The following LRP1B variants were observed in gnomAD, a reference collection of about 807,000 sequenced individuals.
LRP1B encodes the protein low-density lipoprotein receptor-related protein 1B.
LRP1B carries 217 observed loss-of-function variants against 556.6 expected under a neutral mutation model. The ratio of observed to expected loss-of-function variants is 0.39; its 90% CI spans 0.35 to 0.44. The LOEUF (loss-of-function observed/expected upper bound fraction) is 0.44, where lower values mean the gene tolerates loss of function less well. Among genes scored for constraint, LRP1B ranks in the 20% least tolerant of loss-of-function variants. The probability of loss-of-function intolerance (pLI) is 1.00; values close to 1 mark genes in which losing one functional copy is unlikely to be tolerated. For missense variants in LRP1B, 5,053 were observed against 5,620.8 expected, an observed-to-expected ratio of 0.90 and a Z score of 3.23; for synonymous variants, 2,047 against 1,865.8, an observed-to-expected ratio of 1.10 and a Z score of -2.50.
intron 20 of LRP1B, among the ~76,000 whole-genome samples, chr2:140,944,982 C>T (rs955309061): frequency 7.9e-5 from 12 of 152,234 alleles, no homozygotes; most frequent in African/African-American, 2.6e-4. Flanking sequence ...TCTGTCTTAA[C>T]TGATGATATG....
intron 11 of LRP1B, among the ~76,000 whole-genome samples, chr2:141,041,136 A>G (rs539408563): frequency 6.6e-6 from 1 of 152,110 alleles, no homozygotes; most frequent in African/African-American, 2.4e-5. Flanking sequence ...TTCTCTTCTG[A>G]TATTATCAGG....
chr2:140,749,850 T>C (rs1441906709), intron 35 of LRP1B, among the ~76,000 whole-genome samples: 1 of 152,208 alleles, frequency 6.6e-6, no homozygotes, highest in Non-Finnish European at 1.5e-5. Context: ...TGTACATAAT[T>C]TTATGTGCTA....
At chr2:141,302,330 C>T (rs1226802646) in intron 3 of LRP1B, among the ~76,000 whole-genome samples, 2 of 152,076 alleles carry the variant, frequency 1.3e-5, no homozygotes, top group African/African-American at 2.4e-5. Flanking sequence ...AAAGCCAGTA[C>T]ATTATGCTAA....
chr2:140,333,256 T>A (rs999254899), intron 79 of LRP1B, among the ~76,000 whole-genome samples: 1 of 152,110 alleles, frequency 6.6e-6, no homozygotes, highest in Non-Finnish European at 1.5e-5. Context: ...TCTCTGATCA[T>A]AACTAAAATA....
intron 1 of LRP1B, among the ~76,000 whole-genome samples, chr2:141,817,190 T>G (rs192932894): frequency 6.6e-6 from 1 of 152,320 alleles, no homozygotes; most frequent in Admixed American, 6.5e-5. Flanking sequence ...ATAGTCAGAT[T>G]AATCTTATTT....
chr2:140,397,537 A>C (rs1215190611), intron 66 of LRP1B, among the ~76,000 whole-genome samples: 1 of 152,218 alleles, frequency 6.6e-6, no homozygotes. Context: ...GCCCATAGTC[A>C]TACAACACAG....
At chr2:140,887,970 G>A (rs1045861557) in intron 23 of LRP1B, among the ~76,000 whole-genome samples, 4 of 152,116 alleles carry the variant, frequency 2.6e-5, no homozygotes, top group African/African-American at 9.7e-5. Flanking sequence ...TTAAATAGTT[G>A]TAATAGTTAA....
chr2:141,884,767 A>T (rs1210260691), intron 1 of LRP1B, among the ~76,000 whole-genome samples: 3 of 152,208 alleles, frequency 2.0e-5, no homozygotes, highest in Non-Finnish European at 4.4e-5. Context: ...CTCACAGAAG[A>T]GATTATTGCC....
chr2:141,661,416 G>T lies in LRP1B; in HGVS notation c.205+148863C>A, dbSNP rs147356931. On this transcript the variant is annotated intron_variant, in intron 2 of 90. Transcript: ENST00000389484. ...GGAGCATGCTCTAACCCAATGCAAA[G>T]AAGGTAAGAACCATGATAAAACATT... Among the ~76,000 whole-genome samples the T allele has an allele frequency of 1.4e-3, 211 of 152,270 alleles. 1 individual carries two copies. The highest frequency in any genetic ancestry group is 4.9e-3 in the African/African-American group (203 of 41,558).
chr2:141,454,818 A>G lies in LRP1B; in HGVS notation c.343+25578T>C, dbSNP rs1681568992. Among the ~76,000 whole-genome samples the G allele has an allele frequency of 3.9e-5, 6 of 152,302 alleles. No individual in the cohort carries two copies. The South Asian group carries it at 1.2e-3, about 32-fold the overall frequency. On this transcript the variant is annotated intron_variant, in intron 3 of 90. Transcript: ENST00000389484. Reference sequence around the variant, plus strand: ...GGAGAGGAATAGTGCTACTCTGAGAAATATACGAAGCTAGATCAATTTCAC... The same window carrying G: ...GGAGAGGAATAGTGCTACTCTGAGAGATATACGAAGCTAGATCAATTTCAC...
chr2:140,893,190 A>C (rs1268463010), intron 23 of LRP1B, among the ~76,000 whole-genome samples: 1 of 152,202 alleles, frequency 6.6e-6, no homozygotes, highest in Non-Finnish European at 1.5e-5. Context: ...AGAGATCATA[A>C]ATATGAGAGT....
chr2:142,097,777 TAA>T (rs772760988), intron 1 of LRP1B, among the ~76,000 whole-genome samples: 1 of 151,724 alleles, frequency 6.6e-6, no homozygotes, highest in Non-Finnish European at 1.5e-5. Flanking sequence ...TAGCTCGATA[TAA>T]AGAGTCTATA....
intron 1 of LRP1B, among the ~76,000 whole-genome samples, chr2:141,890,262 C>T (rs1025119302): frequency 1.3e-5 from 2 of 148,418 alleles, no homozygotes; most frequent in African/African-American, 2.5e-5. Context: ...TTGTTGTCTA[C>T]GTTGCTTATG....
chr2:141,579,470 G>A (rs1452124714), intron 2 of LRP1B, among the ~76,000 whole-genome samples: 1 of 152,128 alleles, frequency 6.6e-6, no homozygotes, highest in African/African-American at 2.4e-5. Context: ...AACGGGGAGT[G>A]TCAAGATATT....
At chr2:142,042,649 A>T (rs1260772898) in intron 1 of LRP1B, among the ~76,000 whole-genome samples, 2 of 151,546 alleles carry the variant, frequency 1.3e-5, no homozygotes, top group East Asian at 3.9e-4. Context: ...TACTAGGTTC[A>T]AAAAGCCTTT....
At chr2:140,240,170 C>A (rs1278894529) in intron 87 of LRP1B, among the ~76,000 whole-genome samples, 3 of 150,664 alleles carry the variant, frequency 2.0e-5, no homozygotes. Context: ...TAGCTTGATT[C>A]CACAGAATTA....
At chr2:140,750,998 T>C (rs1247175819) in intron 35 of LRP1B, among the ~76,000 whole-genome samples, 3 of 147,650 alleles carry the variant, frequency 2.0e-5, no homozygotes, top group Non-Finnish European at 3.0e-5. Flanking sequence ...TTTCTTTTTT[T>C]TTTTTTTTTT....
chr2:141,190,805 G>A (rs1281878166), intron 6 of LRP1B, among the ~76,000 whole-genome samples: 1 of 151,916 alleles, frequency 6.6e-6, no homozygotes. Context: ...ACAAGCTTAT[G>A]AACAGTCTAC....
At chr2:141,202,122 C>G (rs527383176) in intron 6 of LRP1B, among the ~76,000 whole-genome samples, 1 of 152,274 alleles carries the variant, frequency 6.6e-6, no homozygotes, top group African/African-American at 2.4e-5. Flanking sequence ...CACACCCATC[C>G]CTGACAGGCC....
Sources: allele counts gnomAD v4.1 joint callset (sites outside exome capture counted in the v4.1 genomes callset), GRCh38; gene constraint gnomAD v4.1.1; transcripts MANE v1.5; gene names NCBI Gene and HGNC (gene_info 2026-07-23, HGNC 2026-07-21).